The following KCNQ2 variants were observed in gnomAD, a reference collection of about 807,000 sequenced individuals.
KCNQ2 encodes the protein potassium voltage-gated channel subfamily Q member 2, also known as potassium voltage-gated channel subfamily KQT member 2.
A neutral mutation model predicts 84.8 loss-of-function variants in KCNQ2; 14 were observed. The observed-to-expected ratio is 0.17, with a 90% CI of 0.11 to 0.26. The LOEUF is 0.26. Among genes scored for constraint, KCNQ2 ranks in the 10% least tolerant of loss-of-function variants. The pLI, the probability that KCNQ2 is intolerant of heterozygous loss-of-function variation, is 1.00. For synonymous variants in KCNQ2, 599 were observed against 554.1 expected, an observed-to-expected ratio of 1.08 and a Z score of -1.14; for missense variants, 788 against 1,254.0, an observed-to-expected ratio of 0.63 and a Z score of 5.61.
In KCNQ2 at chr20:63,467,788, G is replaced by A. The variant is rs187306152; in HGVS notation, c.296+4380C>T. 3.3e-5 allele frequency among the ~76,000 whole-genome samples: 5 copies of A among 152,348 alleles called. No individual in the cohort carries two copies. The East Asian group carries it at 9.6e-4, about 29-fold the overall frequency. Reference sequence around the variant, plus strand: ...CCAGGATTTAAGCATTTTCAAAACTGGAGACAGGATTCCCACGTGGTCAGC... The same window carrying A: ...CCAGGATTTAAGCATTTTCAAAACTAGAGACAGGATTCCCACGTGGTCAGC... On this transcript the variant is annotated intron_variant, in intron 1 of 16. Coordinates refer to ENST00000359125, the MANE Select transcript of KCNQ2 (RefSeq NM_172107.4).
intron 1 of KCNQ2, among the ~76,000 whole-genome samples, chr20:63,470,058 G>C (rs963737112): frequency 2.6e-5 from 4 of 152,246 alleles, no homozygotes; most frequent in African/African-American, 9.6e-5. Context: ...CGACGTTACC[G>C]ACGGAAAACT....
At chr20:63,457,800 G>A (rs937170666) in intron 1 of KCNQ2, among the ~76,000 whole-genome samples, 2 of 152,220 alleles carry the variant, frequency 1.3e-5, no homozygotes, top group South Asian at 2.1e-4. Flanking sequence ...GGGGGCATCC[G>A]CCATGCACCC....
intron 4 of KCNQ2, among the ~76,000 whole-genome samples, chr20:63,443,099 TCACCATCACCACCACCACTATCACCAC>T (rs2081275479): frequency 1.9e-4 from 11 of 59,320 alleles, no homozygotes; most frequent in East Asian, 8.3e-4. Context: ...ATCACCACCA[TCACCATCACCACCACCACTATCACCAC>T]CACCACCATC....
chr20:63,454,326 G>A (rs1364028988), intron 1 of KCNQ2, among the ~76,000 whole-genome samples: 3 of 152,190 alleles, frequency 2.0e-5, no homozygotes, highest in Admixed American at 6.6e-5. Flanking sequence ...CAACAGCTCC[G>A]ACTTTTGTTT....
chr20:63,446,679 G>A lies in KCNQ2; in HGVS notation c.387+68C>T. 7.5e-7 allele frequency: 1 copy of A among 1,340,298 alleles called. No homozygotes were observed. Among genetic ancestry groups the A allele is most frequent in the Non-Finnish European group, 1.1e-6 (1 of 932,436 alleles). 83.0% of individuals were successfully genotyped at this position (1,340,298 alleles called of 1,614,324 possible). Reference sequence around the variant, plus strand: ...AGGCCCTGTAGTAACAGGAACGGAAGACAGACGCCCAGGCAGCTCCAGCTC... The same window carrying A: ...AGGCCCTGTAGTAACAGGAACGGAAAACAGACGCCCAGGCAGCTCCAGCTC... On this transcript the variant is annotated intron_variant, in intron 2 of 16. Transcript: ENST00000359125. The surrounding 1 kb of genome is among the most constrained non-coding windows in gnomAD (Gnocchi z 5.5).
intron 10 of KCNQ2, among the ~76,000 whole-genome samples, chr20:63,426,910 C>A (rs2080650304): frequency 6.6e-6 from 1 of 152,168 alleles, no homozygotes; most frequent in African/African-American, 2.4e-5. Flanking sequence ...TTCAAAAAGT[C>A]CCAAATTTCA....
At position 63,446,585 on chromosome 20, in the gene KCNQ2, TGGGGCTGG is replaced by T. The variant is rs1199374958; in HGVS notation, c.387+154_387+161del. Among the ~76,000 whole-genome samples, 2 of 151,694 alleles carry T rather than the reference TGGGGCTGG, an allele frequency of 1.3e-5. No individual in the cohort carries two copies. Among genetic ancestry groups the T allele is most frequent in the African/African-American group, 4.8e-5 (2 of 41,262 alleles). Reference sequence around the variant, plus strand: ...TGGGGCTGGGGCATAGCCCGGGCTGTGGGGCTGGGGGCAGATGGGAACTGACAGGGCAC... The same window carrying T: ...TGGGGCTGGGGCATAGCCCGGGCTGTGGGCAGATGGGAACTGACAGGGCAC... On this transcript the variant is annotated intron_variant, in intron 2 of 16. Transcript: ENST00000359125. This position sits in a 1 kb window ranked among gnomAD's most constrained non-coding sequence, Gnocchi z 5.5.
rs1028601977 is a variant in KCNQ2, at chr20:63,440,620, G to A, written c.817-912C>T. Reference sequence around the variant, plus strand: ...GATCGAGGCCTGAGCGCAGACAGCAGGGCCGGGAAGGGGAGACCTCTCACC... The same window carrying A: ...GATCGAGGCCTGAGCGCAGACAGCAAGGCCGGGAAGGGGAGACCTCTCACC... On this transcript the variant is annotated intron_variant, in intron 5 of 16. Transcript: ENST00000359125. Among the ~76,000 whole-genome samples, 3 of 152,214 alleles carry A rather than the reference G, an allele frequency of 2.0e-5. No individual in the cohort carries two copies. In the South Asian group the frequency reaches 6.2e-4, roughly 31 times the overall value.
chr20:63,406,291 C>G lies in KCNQ2; in HGVS notation c.*353G>C. 1 of 278,778 alleles carries G rather than the reference C, an allele frequency of 3.6e-6. No individual in the cohort carries two copies. The highest frequency in any genetic ancestry group is 8.0e-5 in the East Asian group (1 of 12,554). The allele number at this position is 278,778 out of a possible 1,614,324, so 17.3% of individuals were successfully genotyped here. On this transcript the variant is annotated 3_prime_UTR_variant, in exon 17 of 17. Transcript: ENST00000359125. ...CTCCCCTGGGCTCGGCTGAGACAAC[C>G]CCCCGCCTGTTGCCACGCTGGCAAC...
At position 63,408,576 on chromosome 20, in the gene KCNQ2, G is replaced by C. The variant is rs745887819; in HGVS notation, c.1764-40C>G. ...GACCCCAAAGCATGAGTTCGGGTGG[G>C]TGCAGCAGGGCCCCTGCCCTCTCCT... On this transcript the variant is annotated intron_variant, in intron 15 of 16. Transcript: ENST00000359125. The surrounding 1 kb of genome is among the most constrained non-coding windows in gnomAD (Gnocchi z 5.0). 4.4e-5 allele frequency: 70 copies of C among 1,604,326 alleles called. No homozygotes were observed. The Middle Eastern group carries it at 4.9e-4, about 11-fold the overall frequency.
In KCNQ2 at chr20:63,433,816, T is replaced by C. The variant is rs1038643289; in HGVS notation, c.1111A>G (p.Met371Val). The change falls in exon 8 of 17, where the codon ATG (methionine) becomes GTG (valine). Residue 371 changes from methionine to valine, a missense_variant. Physicochemically the swap from Met to Val is conservative, Grantham distance 21. This residue lies in a region of KCNQ2 where 202 missense variants were observed against 239.4 expected (regional missense o/e 0.84). Coordinates refer to ENST00000359125, the MANE Select transcript of KCNQ2 (RefSeq NM_172107.4). ...QYYERTVTVP[M>V]YSSQTQTYGA... ...GGTGCCCGGCGGCGGTACCTGTACA[T>C]GGGCACGGTGACCGTTCGCTCGTAG... 1.2e-6 allele frequency: 2 copies of C among 1,613,864 alleles called. No individual in the cohort carries two copies. The highest frequency in any genetic ancestry group is 1.7e-6 in the Non-Finnish European group (2 of 1,179,972).
intron 1 of KCNQ2, among the ~76,000 whole-genome samples, chr20:63,451,836 C>T (rs1303522072): frequency 2.0e-5 from 3 of 152,234 alleles, no homozygotes; most frequent in East Asian, 1.9e-4. Context: ...TGGGCAGGCG[C>T]AGTCCCCATA....
rs573812167 is a variant in KCNQ2, at chr20:63,415,334, G to C, written c.1302-208C>G. On this transcript the variant is annotated intron_variant, in intron 12 of 16. Coordinates refer to ENST00000359125, the MANE Select transcript of KCNQ2 (RefSeq NM_172107.4). The stretch of plus-strand genomic sequence containing the variant: ...GGAGGGAGGGAGGGGAGGCCACGGG[G>C]ACCGAGCACCCGGTGGGAGGGAGGG... Among the ~76,000 whole-genome samples the C allele has an allele frequency of 0.012, 1,539 of 130,194 alleles. 91 individuals are homozygous for C. The highest frequency in any genetic ancestry group is 0.045 in the African/African-American group (1,429 of 31,542). The allele number at this position is 130,194 out of a possible 152,430, so 85.4% of individuals were successfully genotyped here. A position where few individuals can be genotyped will look rare whatever the true frequency, so the allele number is the denominator to read the frequency against.
intron 15 of KCNQ2, among the ~76,000 whole-genome samples, chr20:63,409,693 C>T (rs1024525631): frequency 1.3e-5 from 2 of 152,204 alleles, no homozygotes; most frequent in Admixed American, 6.5e-5. Flanking sequence ...CACCAGCCGA[C>T]GGGGCCAAGT....
At chr20:63,417,235 CG>C (rs1568885588) in intron 12 of KCNQ2, among the ~76,000 whole-genome samples, 2 of 152,122 alleles carry the variant, frequency 1.3e-5, no homozygotes, top group African/African-American at 4.8e-5. Context: ...GAGAACCGGA[CG>C]GGGGCCAGGG....
At chr20:63,462,444 G>C (rs1224626519) in intron 1 of KCNQ2, among the ~76,000 whole-genome samples, 3 of 152,112 alleles carry the variant, frequency 2.0e-5, no homozygotes, top group African/African-American at 7.2e-5. Context: ...CCTACCCCAA[G>C]GAACAGGGCA....
chr20:63,440,656 G>T, intron 5 of KCNQ2, among the ~76,000 whole-genome samples: 1 of 152,314 alleles, frequency 6.6e-6, no homozygotes, highest in Non-Finnish European at 1.5e-5. Flanking sequence ...AGGACCTGCA[G>T]CCCCACCTTG....
intron 1 of KCNQ2, among the ~76,000 whole-genome samples, chr20:63,470,202 C>T (rs2082180996): frequency 6.6e-6 from 1 of 152,074 alleles, no homozygotes; most frequent in South Asian, 2.1e-4. Context: ...CAAGCCACCC[C>T]TGCCCACAGC....
rs1382442577 is a variant in KCNQ2 at position 63,401,033 on chromosome 20, C to T, written c.*5611G>A. ...GTGCCTGCCTGGTAGCCCCGGGGAC[C>T]GGCCCCTCCTTGCTGGCGCCTGGCC... is the stretch of plus-strand genomic sequence containing the variant. On this transcript the variant is annotated 3_prime_UTR_variant, in exon 17 of 17. Coordinates refer to ENST00000359125, the MANE Select transcript of KCNQ2 (RefSeq NM_172107.4). 4 of 396,074 alleles carry T rather than the reference C, an allele frequency of 1.0e-5. No individual in the cohort carries two copies. The highest frequency in any genetic ancestry group is 1.4e-4 in the South Asian group (1 of 7,006). 24.5% of individuals were successfully genotyped at this position (396,074 alleles called of 1,614,324 possible). A position where few individuals can be genotyped will look rare whatever the true frequency, so the allele number is the denominator to read the frequency against.
Sources: gnomAD v4.1 joint callset for allele counts (sites outside exome capture counted in the v4.1 genomes callset) on GRCh38, gnomAD v4.1.1 for gene constraint, gnomAD v4.1.1 regional missense constraint, Gnocchi (gnomAD v3.1) non-coding constraint, MANE v1.5 for transcripts, NCBI Gene and HGNC (gene_info 2026-07-23, HGNC 2026-07-21) for gene names.